ZMAT4: variants seen among roughly 807,000 people sequenced by gnomAD.
The protein encoded by ZMAT4 is zinc finger matrin-type 4, also known as zinc finger matrin-type protein 4.
In ZMAT4, 17 loss-of-function variants were observed where a neutral mutation model predicts 28.7. The observed-to-expected ratio is 0.59, with a 90% CI of 0.41 to 0.89. The LOEUF (loss-of-function observed/expected upper bound fraction) is 0.89, where lower values mean the gene tolerates loss of function less well. ZMAT4 is among the 40% of genes least tolerant of loss of function. The pLI, the probability that ZMAT4 is intolerant of heterozygous loss-of-function variation, is 0.00. For missense variants in ZMAT4, 240 were observed against 283.8 expected (o/e 0.85, Z 1.11); for synonymous variants, 117 against 109.2 (o/e 1.07, Z -0.44).
At chr8:40,853,822 C>T (rs909698877) in intron 1 of ZMAT4, among the ~76,000 whole-genome samples, 17 of 152,044 alleles carry the variant, frequency 1.1e-4, no homozygotes, top group East Asian at 1.9e-4. Flanking sequence ...AGTTTTGACC[C>T]GAGAGAACCT....
At chr8:40,699,461 C>T (rs963737909) in intron 3 of ZMAT4, among the ~76,000 whole-genome samples, 1 of 151,618 alleles carries the variant, frequency 6.6e-6, no homozygotes, top group Non-Finnish European at 1.5e-5. Context: ...GGGTATCTAC[C>T]CAAAGGAAAA....
At chr8:40,557,016 C>T (rs562772721) in intron 6 of ZMAT4, among the ~76,000 whole-genome samples, 1 of 152,246 alleles carries the variant, frequency 6.6e-6, no homozygotes, top group African/African-American at 2.4e-5. Flanking sequence ...GACACTGATA[C>T]CTATCATTCT....
intron 5 of ZMAT4, among the ~76,000 whole-genome samples, chr8:40,597,375 T>C (rs770339291): frequency 6.6e-5 from 10 of 152,158 alleles, no homozygotes; most frequent in Non-Finnish European, 1.0e-4. Flanking sequence ...GGAGAGAGAC[T>C]GGTGTGCAGG....
At chr8:40,605,467 AT>A (rs1208934594) in intron 5 of ZMAT4, among the ~76,000 whole-genome samples, 1 of 152,052 alleles carries the variant, frequency 6.6e-6, no homozygotes, top group South Asian at 2.1e-4. Context: ...AGGCTATTTA[AT>A]TTTCATGTAT....
At chr8:40,705,110 G>A (rs1410534024) in intron 3 of ZMAT4, among the ~76,000 whole-genome samples, 1 of 152,212 alleles carries the variant, frequency 6.6e-6, no homozygotes, top group Non-Finnish European at 1.5e-5. Context: ...AAGACAGAAT[G>A]AAGATTTCTA....
intron 1 of ZMAT4, among the ~76,000 whole-genome samples, chr8:40,877,807 C>T (rs1255312761): frequency 6.6e-6 from 1 of 152,108 alleles, no homozygotes; most frequent in Non-Finnish European, 1.5e-5. Context: ...CAGCATCACA[C>T]CAGCATTATA....
At chr8:40,893,210 G>A (rs1023662210) in intron 1 of ZMAT4, among the ~76,000 whole-genome samples, 1 of 152,160 alleles carries the variant, frequency 6.6e-6, no homozygotes, top group African/African-American at 2.4e-5. Context: ...CTGCCCTCAT[G>A]GATTCCAGCT....
intron 1 of ZMAT4, among the ~76,000 whole-genome samples, chr8:40,896,228 G>C (rs1055330928): frequency 2.0e-5 from 3 of 152,178 alleles, no homozygotes; most frequent in Non-Finnish European, 4.4e-5. Flanking sequence ...TGTGGAGCTG[G>C]AGAATCAAGA....
intron 5 of ZMAT4, among the ~76,000 whole-genome samples, chr8:40,610,963 C>T (rs1805773817): frequency 1.4e-5 from 2 of 147,224 alleles, no homozygotes; most frequent in Non-Finnish European, 1.5e-5. Flanking sequence ...TTTGTCTTAG[C>T]TCATCACTAC....
intron 3 of ZMAT4, among the ~76,000 whole-genome samples, chr8:40,722,465 T>TGA (rs1299323177): frequency 1.4e-4 from 21 of 152,174 alleles, no homozygotes; most frequent in African/African-American, 4.6e-4. Context: ...CACACACATC[T>TGA]TAAAGCCACT....
chr8:40,555,348 AGATC>A (rs1803500420), intron 6 of ZMAT4, among the ~76,000 whole-genome samples: 1 of 152,180 alleles, frequency 6.6e-6, no homozygotes, highest in African/African-American at 2.4e-5. Flanking sequence ...TGAGATTTCT[AGATC>A]ATATGGTAGT....
Position 40,883,367 on chromosome 8 carries a change from C to T in ZMAT4, c.-5+14316G>A, listed in dbSNP as rs1048083991. On this transcript the variant is annotated intron_variant, in intron 1 of 6. Transcript: ENST00000297737. ...AATAGAACCATTAGGTGTTCCATTT[C>T]GTCATGGTTCACACCAGCATTTCCC... Among the ~76,000 whole-genome samples the T allele has an allele frequency of 1.7e-4, 26 of 152,320 alleles. No homozygotes were observed. In the East Asian group the frequency reaches 4.2e-3, roughly 25 times the overall value.
intron 1 of ZMAT4, among the ~76,000 whole-genome samples, chr8:40,834,844 G>T (rs1472942070): frequency 6.6e-6 from 1 of 152,208 alleles, no homozygotes; most frequent in African/African-American, 2.4e-5. Flanking sequence ...CTGAGTACCA[G>T]AGGCAGGTGG....
chr8:40,562,209 T>A (rs1803769903), intron 6 of ZMAT4, among the ~76,000 whole-genome samples: 1 of 152,170 alleles, frequency 6.6e-6, no homozygotes, highest in South Asian at 2.1e-4. Context: ...CACCATTCCA[T>A]CAAAAGCACT....
In ZMAT4 at chr8:40,844,630, C is replaced by T. The variant is rs1586155998; in HGVS notation, c.-4-18950G>A. On this transcript the variant is annotated intron_variant, in intron 1 of 6. Transcript: ENST00000297737. ...ACTCTTTCTCTCTCCTCTCTCTCTC[C>T]TCTCTCTCTGCATGCTCTCTCTCAT... Among the ~76,000 whole-genome samples, 3 of 125,004 alleles carry T rather than the reference C, an allele frequency of 2.4e-5. No individual in the cohort carries two copies. The South Asian group carries it at 6.9e-4, about 29-fold the overall frequency. The allele number at this position is 125,004 out of a possible 152,430, so 82.0% of individuals were successfully genotyped here.
At chr8:40,818,287 G>A (rs1188297090) in intron 2 of ZMAT4, among the ~76,000 whole-genome samples, 1 of 152,178 alleles carries the variant, frequency 6.6e-6, no homozygotes, top group Non-Finnish European at 1.5e-5. Flanking sequence ...AAAGTAGTTA[G>A]AAATCTTACA....
At chr8:40,783,814 C>T (rs959103843) in intron 2 of ZMAT4, among the ~76,000 whole-genome samples, 2 of 152,018 alleles carry the variant, frequency 1.3e-5, no homozygotes, top group Non-Finnish European at 2.9e-5. Context: ...AGTTTGAGAC[C>T]AGCCCGGCCA....
At chr8:40,657,747 T>A (rs1807990163) in intron 5 of ZMAT4, among the ~76,000 whole-genome samples, 4 of 152,184 alleles carry the variant, frequency 2.6e-5, no homozygotes, top group African/African-American at 7.2e-5. Context: ...AACAAAATGA[T>A]CTTCTTCAAG....
chr8:40,718,305 T>C (rs2150514104), intron 3 of ZMAT4, among the ~76,000 whole-genome samples: 1 of 152,320 alleles, frequency 6.6e-6, no homozygotes, highest in East Asian at 1.9e-4. Flanking sequence ...CTAGCTCTAC[T>C]CAGACCCCAG....
Sources: gnomAD v4.1 joint callset for allele counts (sites outside exome capture counted in the v4.1 genomes callset) on GRCh38, gnomAD v4.1.1 for gene constraint, MANE v1.5 for transcripts, NCBI Gene and HGNC (gene_info 2026-07-23, HGNC 2026-07-21) for gene names.